The following GPC5 variants were observed in gnomAD, a reference collection of about 807,000 sequenced individuals.
GPC5 encodes the protein glypican-5.
GPC5 carries 47 observed loss-of-function variants against 53.9 expected under a neutral mutation model. The observed-to-expected ratio is 0.87, with a 90% CI of 0.69 to 1.11. The LOEUF is 1.11. GPC5 is among the 50% of genes most tolerant of loss of function. The pLI is 0.00. For missense variants in GPC5, 748 were observed against 713.1 expected (o/e 1.05, Z -0.56); for synonymous variants, 286 against 263.3 (o/e 1.09, Z -0.84).
At chr13:92,137,693 A>G (rs2041796028) in intron 6 of GPC5, among the ~76,000 whole-genome samples, 1 of 152,142 alleles carries the variant, frequency 6.6e-6, no homozygotes, top group South Asian at 2.1e-4. Context: ...TGATGCAATC[A>G]TGGTTCACTG....
intron 7 of GPC5, among the ~76,000 whole-genome samples, chr13:92,191,516 G>A (rs1322274745): frequency 6.6e-6 from 1 of 152,044 alleles, no homozygotes; most frequent in Non-Finnish European, 1.5e-5. Flanking sequence ...TCCATCAATT[G>A]CACTACCCAA....
intron 7 of GPC5, among the ~76,000 whole-genome samples, chr13:92,752,016 T>C (rs576885295): frequency 2.8e-4 from 43 of 152,160 alleles, no homozygotes; most frequent in African/African-American, 1.0e-3. Context: ...GTATCTGTTT[T>C]AATTTGCCAC....
At chr13:92,751,080 T>C (rs974181197) in intron 7 of GPC5, among the ~76,000 whole-genome samples, 3 of 151,780 alleles carry the variant, frequency 2.0e-5, no homozygotes, top group Non-Finnish European at 2.9e-5. Context: ...TCATGAAAAA[T>C]TGATATATAT....
intron 2 of GPC5, among the ~76,000 whole-genome samples, chr13:91,625,165 A>G (rs2033965652): frequency 6.6e-6 from 1 of 151,880 alleles, no homozygotes; most frequent in South Asian, 2.1e-4. Flanking sequence ...AAGGGCATAA[A>G]ACTACATAGG....
At chr13:92,145,012 A>C in intron 7 of GPC5, 23 bp downstream of exon 7, 1 of 1,343,714 alleles carries the variant, frequency 7.4e-7, no homozygotes, top group Non-Finnish European at 9.6e-7. Context: ...TTCTAACACC[A>C]CTTTTTTAAA....
intron 1 of GPC5, among the ~76,000 whole-genome samples, chr13:91,434,180 T>C (rs1441464067): frequency 6.6e-6 from 1 of 152,240 alleles, no homozygotes; most frequent in Non-Finnish European, 1.5e-5. Flanking sequence ...TAGTTTCTTT[T>C]GCTGTGCAGA....
intron 6 of GPC5, among the ~76,000 whole-genome samples, chr13:91,990,753 G>A (rs2040449388): frequency 6.6e-6 from 1 of 152,164 alleles, no homozygotes; most frequent in African/African-American, 2.4e-5. Flanking sequence ...ACTGTCACCA[G>A]GAGGCATTTT....
intron 7 of GPC5, among the ~76,000 whole-genome samples, chr13:92,495,346 A>G (rs1879930984): frequency 6.6e-6 from 1 of 152,126 alleles, no homozygotes; most frequent in Admixed American, 6.5e-5. Flanking sequence ...GGTACTTTTC[A>G]ATTACAATGA....
chr13:92,104,398 C>A (rs2041491443), intron 6 of GPC5, among the ~76,000 whole-genome samples: 1 of 152,024 alleles, frequency 6.6e-6, no homozygotes, highest in Admixed American at 6.6e-5. Flanking sequence ...ACAATTTTTC[C>A]CAGTATTCTC....
rs559540554 is a variant in GPC5 at position 91,897,051 on chromosome 13, C to T, written c.1281-10886C>T. 5.9e-5 allele frequency among the ~76,000 whole-genome samples: 9 copies of T among 152,184 alleles called. No homozygotes were observed. The South Asian group carries it at 1.9e-3, about 32-fold the overall frequency. On this transcript the variant is annotated intron_variant, in intron 5 of 7. Transcript: ENST00000377067. ...CTTCCTCCTCCTCTTCTTCCTCCCCCTCCTCCTCCTTTTTCATCAAATACT... is the reference window on the plus strand; with the variant it reads ...CTTCCTCCTCCTCTTCTTCCTCCCCTTCCTCCTCCTTTTTCATCAAATACT...
At chr13:92,556,449 G>A (rs1882496844) in intron 7 of GPC5, among the ~76,000 whole-genome samples, 1 of 151,558 alleles carries the variant, frequency 6.6e-6, no homozygotes, top group Non-Finnish European at 1.5e-5. Context: ...TTTTTAAAGT[G>A]TTATTTTGGA....
chr13:92,021,580 C>T (rs983187414), intron 6 of GPC5, among the ~76,000 whole-genome samples: 4 of 152,140 alleles, frequency 2.6e-5, no homozygotes. Context: ...AACAATAATG[C>T]GTTGTCCACT....
chr13:92,475,215 G>T (rs1323249604), intron 7 of GPC5, among the ~76,000 whole-genome samples: 6 of 150,550 alleles, frequency 4.0e-5, no homozygotes, highest in Admixed American at 2.7e-4. Context: ...GAACTTTAAA[G>T]TAGTTTTTTC....
At chr13:91,498,388 G>A (rs1319668921) in intron 2 of GPC5, among the ~76,000 whole-genome samples, 2 of 151,996 alleles carry the variant, frequency 1.3e-5, no homozygotes, top group East Asian at 1.9e-4. Flanking sequence ...GAGTAAAGGA[G>A]AAAAAAGCAA....
intron 1 of GPC5, among the ~76,000 whole-genome samples, chr13:91,438,114 C>T (rs879690595): frequency 6.6e-5 from 10 of 151,912 alleles, no homozygotes; most frequent in African/African-American, 9.7e-5. Context: ...TTCGAACTTC[C>T]TCCTTTAGCT....
intron 7 of GPC5, among the ~76,000 whole-genome samples, chr13:92,410,809 A>G (rs188654460): frequency 4.8e-4 from 73 of 152,388 alleles, no homozygotes; most frequent in Non-Finnish European, 8.4e-4. Flanking sequence ...TGCTAATATT[A>G]TTTAAATAAA....
intron 7 of GPC5, among the ~76,000 whole-genome samples, chr13:92,399,053 C>G (rs2139333950): frequency 6.6e-6 from 1 of 152,316 alleles, no homozygotes; most frequent in African/African-American, 2.4e-5. Flanking sequence ...GAGCTCTGCT[C>G]AAGCCTAACC....
At chr13:91,725,982 A>T (rs1371826419) in intron 3 of GPC5, among the ~76,000 whole-genome samples, 1 of 152,100 alleles carries the variant, frequency 6.6e-6, no homozygotes, top group African/African-American at 2.4e-5. Context: ...TGGCCAAATA[A>T]TCTTACTCTA....
chr13:91,415,628 A>G (rs900539263), intron 1 of GPC5, among the ~76,000 whole-genome samples: 5 of 150,484 alleles, frequency 3.3e-5, no homozygotes, highest in South Asian at 2.1e-4. Flanking sequence ...TCTGAGTTCA[A>G]ATTTGTTTTG....
Sources: gnomAD v4.1 joint callset for allele counts (sites outside exome capture counted in the v4.1 genomes callset) on GRCh38, gnomAD v4.1.1 for gene constraint, MANE v1.5 for transcripts, NCBI Gene and HGNC (gene_info 2026-07-23, HGNC 2026-07-21) for gene names.